NKAIN2: variants seen among roughly 807,000 people sequenced by gnomAD.
The protein encoded by NKAIN2 is sodium/potassium transporting ATPase interacting 2.
In NKAIN2, 14 loss-of-function variants were observed where a neutral mutation model predicts 32.6. The observed-to-expected ratio is 0.43, with a 90% CI of 0.28 to 0.67. The LOEUF is 0.67. NKAIN2 is among the 30% of genes least tolerant of loss of function. The pLI is 0.17. For missense variants in NKAIN2, 198 were observed against 258.3 expected, an observed-to-expected ratio of 0.77 and a Z score of 1.60; for synonymous variants, 80 against 87.2, an observed-to-expected ratio of 0.92 and a Z score of 0.46.
chr6:124,646,907 T>C (rs1435322582), intron 3 of NKAIN2, among the ~76,000 whole-genome samples: 6 of 151,860 alleles, frequency 4.0e-5, no homozygotes, highest in African/African-American at 9.7e-5. Context: ...GCTGAGATCA[T>C]GCCACTGCAC....
intron 1 of NKAIN2, among the ~76,000 whole-genome samples, chr6:124,098,091 A>G (rs1784719406): frequency 6.6e-6 from 1 of 152,216 alleles, no homozygotes; most frequent in Non-Finnish European, 1.5e-5. Context: ...ATGTAAGGCT[A>G]GTAAAAGGAG....
intron 3 of NKAIN2, among the ~76,000 whole-genome samples, chr6:124,591,682 C>T (rs1196427222): frequency 1.3e-5 from 2 of 152,078 alleles, no homozygotes; most frequent in Non-Finnish European, 2.9e-5. Context: ...ATAGAGAGAA[C>T]CAGTAAGGTA....
intron 3 of NKAIN2, among the ~76,000 whole-genome samples, chr6:124,589,964 C>T (rs1446425801): frequency 6.6e-6 from 1 of 151,924 alleles, no homozygotes; most frequent in Middle Eastern, 3.2e-3. Context: ...TAAAATGTTC[C>T]CTCAATATGC....
intron 1 of NKAIN2, among the ~76,000 whole-genome samples, chr6:124,003,153 C>T (rs1286684168): frequency 6.6e-6 from 1 of 152,096 alleles, no homozygotes; most frequent in Admixed American, 6.5e-5. Context: ...ACAAAAAGAA[C>T]ACAACATTCA....
chr6:124,438,655 T>A (rs9388335), intron 3 of NKAIN2, among the ~76,000 whole-genome samples: 63,672 of 152,076 alleles, frequency 0.42, 14,940 homozygotes, highest in South Asian at 0.59. Context: ...TAGCCTGCTC[T>A]CATGCAGCGT....
intron 1 of NKAIN2, among the ~76,000 whole-genome samples, chr6:124,099,830 T>C (rs1284153538): frequency 6.6e-6 from 1 of 152,088 alleles, no homozygotes; most frequent in African/African-American, 2.4e-5. Context: ...ACCCAAAATA[T>C]CAATAGTGCT....
At chr6:124,778,641 A>T (rs2114777559) in intron 4 of NKAIN2, among the ~76,000 whole-genome samples, 1 of 152,226 alleles carries the variant, frequency 6.6e-6, no homozygotes, top group South Asian at 2.1e-4. Context: ...TAATAAAGAT[A>T]GGTAAATAAC....
At chr6:123,973,905 G>A (rs1030973562) in intron 1 of NKAIN2, among the ~76,000 whole-genome samples, 7 of 151,972 alleles carry the variant, frequency 4.6e-5, no homozygotes, top group Non-Finnish European at 7.4e-5. Context: ...TTGTTCCAAC[G>A]TAAAACAAAT....
At chr6:124,443,588 A>C (rs953834899) in intron 3 of NKAIN2, among the ~76,000 whole-genome samples, 2 of 151,998 alleles carry the variant, frequency 1.3e-5, no homozygotes, top group African/African-American at 4.8e-5. Context: ...CCTGCAAATT[A>C]TAGGGGGTAG....
chr6:124,377,447 C>A (rs909311338), intron 3 of NKAIN2, among the ~76,000 whole-genome samples: 1 of 151,972 alleles, frequency 6.6e-6, no homozygotes, highest in Non-Finnish European at 1.5e-5. Flanking sequence ...AATAATGGAG[C>A]GTGTACCAGA....
intron 1 of NKAIN2, among the ~76,000 whole-genome samples, chr6:123,860,616 G>A (rs973690518): frequency 6.6e-6 from 1 of 152,094 alleles, no homozygotes; most frequent in African/African-American, 2.4e-5. Context: ...TCACCATGTT[G>A]CCCAGGCTGT....
intron 1 of NKAIN2, among the ~76,000 whole-genome samples, chr6:124,033,266 T>C (rs1781480519): frequency 6.6e-6 from 1 of 152,158 alleles, no homozygotes; most frequent in South Asian, 2.1e-4. Context: ...GTTAATTGTG[T>C]TGCATTAATG....
At chr6:124,014,548 A>G (rs901288980) in intron 1 of NKAIN2, among the ~76,000 whole-genome samples, 23 of 152,052 alleles carry the variant, frequency 1.5e-4, no homozygotes, top group African/African-American at 5.5e-4. Flanking sequence ...GTATTATAAA[A>G]ATATCTAAAC....
chr6:124,678,640 C>G (rs1163467400), intron 4 of NKAIN2, among the ~76,000 whole-genome samples: 1 of 152,104 alleles, frequency 6.6e-6, no homozygotes, highest in East Asian at 1.9e-4. Flanking sequence ...TACTGAGCAT[C>G]TTTATGACAG....
At position 123,909,089 on chromosome 6, in the gene NKAIN2, TTC is replaced by T. The variant is rs201816090; in HGVS notation, c.54+104837_54+104838del. Reference sequence around the variant, plus strand: ...TATGAATATATTCCAGTCATTTTTTTTCTTTTTTAATTAAGTAAAATCTCACT... The same window carrying T: ...TATGAATATATTCCAGTCATTTTTTTTTTTTTAATTAAGTAAAATCTCACT... On this transcript the variant is annotated intron_variant, in intron 1 of 6. Coordinates refer to ENST00000368417, the MANE Select transcript of NKAIN2 (RefSeq NM_001040214.3). 5.6e-4 allele frequency among the ~76,000 whole-genome samples: 85 copies of T among 152,238 alleles called. No individual in the cohort carries two copies. The East Asian group carries it at 0.015, about 27-fold the overall frequency.
chr6:124,366,596 T>C (rs1421830648), intron 3 of NKAIN2, among the ~76,000 whole-genome samples: 1 of 152,122 alleles, frequency 6.6e-6, no homozygotes, highest in African/African-American at 2.4e-5. Context: ...CAGTATAACC[T>C]TACTTATTGA....
At chr6:123,933,907 A>C (rs898986364) in intron 1 of NKAIN2, among the ~76,000 whole-genome samples, 1 of 152,180 alleles carries the variant, frequency 6.6e-6, no homozygotes, top group African/African-American at 2.4e-5. Context: ...TTACTGATAA[A>C]ATTATTAAGA....
At chr6:124,085,114 A>G (rs535117909) in intron 1 of NKAIN2, among the ~76,000 whole-genome samples, 2 of 152,058 alleles carry the variant, frequency 1.3e-5, no homozygotes, top group Non-Finnish European at 2.9e-5. Flanking sequence ...ATGTGAAAGC[A>G]AACTCAGGAA....
At chr6:124,647,954 A>T (rs972994730) in intron 3 of NKAIN2, among the ~76,000 whole-genome samples, 3 of 152,248 alleles carry the variant, frequency 2.0e-5, no homozygotes, top group Admixed American at 6.5e-5. Context: ...GTTAAAGAGA[A>T]ATTATACCAA....
Sources: gnomAD v4.1 joint callset for allele counts (sites outside exome capture counted in the v4.1 genomes callset) on GRCh38, gnomAD v4.1.1 for gene constraint, MANE v1.5 for transcripts, NCBI Gene and HGNC (gene_info 2026-07-23, HGNC 2026-07-21) for gene names.